The following GPATCH8 variants were observed in gnomAD, a reference collection of about 807,000 sequenced individuals.
GPATCH8 encodes G-patch domain containing 8.
Under a neutral mutation model 118.3 loss-of-function variants are expected in GPATCH8, and 18 were observed. That is an observed-to-expected ratio of 0.15 (90% CI 0.11 to 0.23). The LOEUF (loss-of-function observed/expected upper bound fraction) is 0.23, where lower values mean the gene tolerates loss of function less well. Among genes scored for constraint, GPATCH8 ranks in the 10% least tolerant of loss-of-function variants. The pLI is 1.00. For synonymous variants in GPATCH8, 659 were observed against 684.7 expected (o/e 0.96, Z 0.59); for missense variants, 1,631 against 1,873.8 (o/e 0.87, Z 2.39).
chr17:44,452,272 C>CAAAAAAAAAAA (rs1187689963), intron 3 of GPATCH8, among the ~76,000 whole-genome samples: 1 of 43,530 alleles, frequency 2.3e-5, no homozygotes, highest in African/African-American at 6.4e-5. Flanking sequence ...CACTCCGTCT[C>CAAAAAAAAAAA]AAAAAAAAAA....
chr17:44,486,919 G>A (rs1443770711), intron 1 of GPATCH8: 7 of 151,974 alleles, frequency 4.6e-5, no homozygotes, highest in Non-Finnish European at 7.4e-5. Context: ...TAGGTTTATC[G>A]CAAAGTTGAG....
At chr17:44,443,738 G>A (rs558015878) in intron 3 of GPATCH8, among the ~76,000 whole-genome samples, 3 of 152,044 alleles carry the variant, frequency 2.0e-5, no homozygotes, top group African/African-American at 4.8e-5. Context: ...GCATAACCAC[G>A]GCTCACTGCA....
chr17:44,422,180 T>C (rs932270249), intron 6 of GPATCH8, among the ~76,000 whole-genome samples: 19 of 152,128 alleles, frequency 1.2e-4, no homozygotes, highest in African/African-American at 4.1e-4. Flanking sequence ...GAAAGAGTTT[T>C]TTATTTGTTT....
At position 44,447,904 on chromosome 17, in the gene GPATCH8, G is replaced by T. The variant is rs184358233; in HGVS notation, c.194-11359C>A. Among the ~76,000 whole-genome samples, 3 of 152,278 alleles carry T rather than the reference G, an allele frequency of 2.0e-5. No individual in the cohort carries two copies. In the East Asian group the frequency reaches 5.8e-4, roughly 29 times the overall value. On this transcript the variant is annotated intron_variant, in intron 3 of 7. Transcript: ENST00000591680. Reference sequence around the variant, plus strand: ...AACGCTCAAGGGTTCAGAAAATAAAGAAATTAGTCTTCCTTTTATTTCCAA... The same window carrying T: ...AACGCTCAAGGGTTCAGAAAATAAATAAATTAGTCTTCCTTTTATTTCCAA...
At chr17:44,486,068 T>C (rs1003604691) in intron 1 of GPATCH8, 1 of 152,144 alleles carries the variant, frequency 6.6e-6, no homozygotes, top group Non-Finnish European at 1.5e-5. Flanking sequence ...CTAATTTTTG[T>C]TTGTTTAATG....
At chr17:44,467,435 T>C (rs377650964) in intron 2 of GPATCH8, among the ~76,000 whole-genome samples, 22 of 152,194 alleles carry the variant, frequency 1.4e-4, no homozygotes, top group East Asian at 7.7e-4. Context: ...AAATCATTGA[T>C]AGAAAATGGT....
chr17:44,434,687 T>C (rs1364839013), intron 5 of GPATCH8, among the ~76,000 whole-genome samples: 1 of 152,144 alleles, frequency 6.6e-6, no homozygotes, highest in Non-Finnish European at 1.5e-5. Flanking sequence ...AGTGTTGGGG[T>C]TACAAGTGTG....
At position 44,401,131 on chromosome 17, in the gene GPATCH8, C is replaced by T; in HGVS notation, c.946G>A (p.Ala316Thr). 1 of 1,614,106 alleles carries T rather than the reference C, an allele frequency of 6.2e-7. No individual in the cohort carries two copies. Among genetic ancestry groups the T allele is most frequent in the Non-Finnish European group, 8.5e-7 (1 of 1,179,960 alleles). The change falls in exon 8 of 8, where the codon GCA becomes ACA. Residue 316 changes from alanine (A) to threonine (T), a missense_variant. Transcript: ENST00000591680. ...KKAPVKLESIASVFKDHAEEG... is the reference protein window; with the variant it reads ...KKAPVKLESITSVFKDHAEEG... ...TCCGCATGGTCCTTGAAAACTGATGCTATTGATTCGAGTTTGACAGGAGCC... is the reference window on the plus strand; with the variant it reads ...TCCGCATGGTCCTTGAAAACTGATGTTATTGATTCGAGTTTGACAGGAGCC...
In GPATCH8 at chr17:44,436,398, C is replaced by A. The variant is rs922342996; in HGVS notation, c.261+80G>T. 3.8e-6 allele frequency: 3 copies of A among 782,130 alleles called. No individual in the cohort carries two copies. The African/African-American group carries it at 5.1e-5, about 13-fold the overall frequency. The allele number at this position is 782,130 out of a possible 1,614,324, so 48.4% of individuals were successfully genotyped here. ...CTACATTTCATCTGATAAATGTATT[C>A]TTGCACAGACATCTGAATTTGGAAT... On this transcript the variant is annotated intron_variant, in intron 4 of 7. Transcript: ENST00000591680.
At chr17:44,429,828 C>T (rs1324408347) in intron 5 of GPATCH8, among the ~76,000 whole-genome samples, 2 of 150,422 alleles carry the variant, frequency 1.3e-5, no homozygotes, top group Admixed American at 1.3e-4. Context: ...CGTGCCACTG[C>T]ACCCCAACTT....
intron 5 of GPATCH8, among the ~76,000 whole-genome samples, chr17:44,426,603 CAAAAAAAA>C (rs754510329): frequency 1.2e-5 from 1 of 82,844 alleles, no homozygotes; most frequent in African/African-American, 5.4e-5. Flanking sequence ...GACCTTGTCT[CAAAAAAAA>C]AAAAAAAAAA....
At position 44,492,297 on chromosome 17, in the gene GPATCH8, C is replaced by CAAAAA. The variant is rs760386945; in HGVS notation, c.45+11024_45+11028dup. 9.2e-5 allele frequency among the ~76,000 whole-genome samples: 7 copies of CAAAAA among 76,234 alleles called. 1 individual carries two copies. The highest frequency in any genetic ancestry group is 1.7e-4 in the Non-Finnish European group (7 of 42,116). The allele number at this position is 76,234 out of a possible 152,430, so 50.0% of individuals were successfully genotyped here. Reference sequence around the variant, plus strand: ...GCCTGGGTGACAGAGTGAGACGTCTCAAAAAAAAAAAAAAAAGCGCCCGTA... The same window carrying CAAAAA: ...GCCTGGGTGACAGAGTGAGACGTCTCAAAAAAAAAAAAAAAAAAAAAGCGCCCGTA... On this transcript the variant is annotated intron_variant, in intron 1 of 7. Transcript: ENST00000591680.
At position 44,428,590 on chromosome 17, in the gene GPATCH8, C is replaced by T. The variant is rs192907835; in HGVS notation, c.349-4098G>A. Among the ~76,000 whole-genome samples, 5 of 151,574 alleles carry T rather than the reference C, an allele frequency of 3.3e-5. No individual in the cohort carries two copies. In the East Asian group the frequency reaches 9.7e-4, roughly 29 times the overall value. ...GGTTGAGGTGGGTGGACAGCTTGAG[C>T]CTAGGAGTTCAAAACCAGCCTGGGC... is the stretch of plus-strand genomic sequence containing the variant. On this transcript the variant is annotated intron_variant, in intron 5 of 7. Coordinates refer to ENST00000591680, the MANE Select transcript of GPATCH8 (RefSeq NM_001002909.4).
At chr17:44,447,780 T>A (rs2050941907) in intron 3 of GPATCH8, among the ~76,000 whole-genome samples, 1 of 152,138 alleles carries the variant, frequency 6.6e-6, no homozygotes, top group Non-Finnish European at 1.5e-5. Flanking sequence ...GCATAAGCCA[T>A]CACACCACAC....
intron 1 of GPATCH8, among the ~76,000 whole-genome samples, chr17:44,479,157 C>T (rs1294274333): frequency 1.3e-5 from 2 of 152,166 alleles, no homozygotes; most frequent in Non-Finnish European, 2.9e-5. Flanking sequence ...AGAAAATGGG[C>T]ACCTTCTAGG....
intron 6 of GPATCH8, among the ~76,000 whole-genome samples, chr17:44,416,991 A>G (rs1272085301): frequency 6.6e-6 from 1 of 152,198 alleles, no homozygotes; most frequent in East Asian, 1.9e-4. Flanking sequence ...GGCTAAAAGC[A>G]TATTCCTCTG....
intron 2 of GPATCH8, among the ~76,000 whole-genome samples, chr17:44,471,829 G>A (rs985816505): frequency 4.7e-5 from 7 of 148,258 alleles, no homozygotes; most frequent in Non-Finnish European, 1.0e-4. Flanking sequence ...AATCACTGTA[G>A]GAGTTTCTCT....
Position 44,400,772 on chromosome 17 carries a change from T to G in GPATCH8, c.1305A>C (p.Lys435Asn). 6.2e-7 allele frequency: 1 copy of G among 1,614,046 alleles called. No individual in the cohort carries two copies. Among genetic ancestry groups the G allele is most frequent in the East Asian group, 2.2e-5 (1 of 44,884 alleles). ...TTHPKNAPES[K>N]KGSSPKPKSC... Reference sequence around the variant, plus strand: ...TTTTAGGCTTGGGAGAACTGCCTTTTTTACTCTCTGGGGCATTCTTTGGGT... The same window carrying G: ...TTTTAGGCTTGGGAGAACTGCCTTTGTTACTCTCTGGGGCATTCTTTGGGT... Residue 435 changes from lysine (K) to asparagine (N), a missense_variant, in exon 8 of 8, where the codon AAA becomes AAC. Lys to Asn is a moderately conservative substitution (Grantham distance 94, BLOSUM62 0). Transcript: ENST00000591680.
At chr17:44,435,032 C>A in intron 5 of GPATCH8, 33 bp downstream of exon 5, 1 of 892,400 alleles carries the variant, frequency 1.1e-6, no homozygotes, top group Non-Finnish European at 1.9e-6. Flanking sequence ...TGAGCACCTC[C>A]CCATCTCCCA....
Sources: gnomAD v4.1 joint callset for allele counts (sites outside exome capture counted in the v4.1 genomes callset) on GRCh38, gnomAD v4.1.1 for gene constraint, MANE v1.5 for transcripts, NCBI Gene and HGNC (gene_info 2026-07-23, HGNC 2026-07-21) for gene names.